The following AHNAK2 variants were observed in gnomAD, a reference collection of about 807,000 sequenced individuals.
AHNAK2 encodes the protein AHNAK nucleoprotein 2.
Under a neutral mutation model 30.7 loss-of-function variants are expected in AHNAK2, and 18 were observed. The observed-to-expected ratio is 0.59, with a 90% CI of 0.41 to 0.87. AHNAK2 has a LOEUF of 0.87. Among genes scored for constraint, AHNAK2 ranks in the 40% least tolerant of loss-of-function variants. AHNAK2 has a pLI of 0.00. For missense variants in AHNAK2, 8,604 were observed against 7,373.0 expected (o/e 1.17, Z -6.11); for synonymous variants, 3,590 against 3,073.8 (o/e 1.17, Z -5.56).
Position 104,943,683 on chromosome 14 carries a change from G to A in AHNAK2, c.11768C>T (p.Thr3923Ile), listed in dbSNP as rs140581320. The change falls in exon 7 of 7, where the codon ACA becomes ATA. Residue 3923 changes from threonine (T) to isoleucine (I), a missense_variant. Physicochemically the swap from Thr to Ile is moderately conservative, Grantham distance 89. Transcript: ENST00000333244. The stretch of plus-strand genomic sequence containing the variant: ...CAGAGAAACCTCCACATCAGGGGCT[G>A]TCACTTCCACCTTGGGGTCTTTTAG... ...LDLKDPKVEV[T>I]APDVEVSLPS... The A allele has an allele frequency of 1.6e-3, 2,565 of 1,613,230 alleles. 29 individuals are homozygous for A. In the African/African-American group the frequency reaches 0.031, roughly 20 times the overall value.
At position 104,954,165 on chromosome 14, in the gene AHNAK2, T is replaced by C. The variant is rs374372707; in HGVS notation, c.1286A>G (p.Gln429Arg). Reference protein sequence around the residue: ...LHGKTLEGQAQETAVAQRKPR... With the variant: ...LHGKTLEGQARETAVAQRKPR... Reference sequence around the variant, plus strand: ...CTTCCTCTGGGCCACTGCTGTCTCCTGTGCCTGCCCCTCCAGGGTCTTTCC... The same window carrying C: ...CTTCCTCTGGGCCACTGCTGTCTCCCGTGCCTGCCCCTCCAGGGTCTTTCC... The change falls in exon 7 of 7, where the codon CAG (glutamine) becomes CGG (arginine). Residue 429 changes from glutamine to arginine, a missense_variant. Gln to Arg is a conservative substitution (Grantham distance 43, BLOSUM62 1). Coordinates refer to ENST00000333244, the MANE Select transcript of AHNAK2 (RefSeq NM_138420.4). This position sits in a 1 kb window ranked among gnomAD's most constrained non-coding sequence, Gnocchi z 4.3. 172 of 1,610,284 alleles carry C rather than the reference T, an allele frequency of 1.1e-4. No homozygotes were observed. Among genetic ancestry groups the C allele is most frequent in the Non-Finnish European group, 1.4e-4 (167 of 1,179,818 alleles).
In AHNAK2 at chr14:104,954,274, T is replaced by C; in HGVS notation, c.1177A>G (p.Met393Val). ...TCACCGAGCTCTGTGGGCAATGGCATGCTCTGAGCAGGCATCACTTCTCGA... is the reference window on the plus strand; with the variant it reads ...TCACCGAGCTCTGTGGGCAATGGCACGCTCTGAGCAGGCATCACTTCTCGA... ...QDREVMPAQS[M>V]PLPTELGDPR... is the part of the protein sequence containing the mutation. Residue 393 changes from methionine to valine, a missense_variant, in exon 7 of 7, where the codon ATG becomes GTG. Transcript: ENST00000333244. The surrounding 1 kb of genome is among the most constrained non-coding windows in gnomAD (Gnocchi z 4.3). 1 of 1,613,390 alleles carries C rather than the reference T, an allele frequency of 6.2e-7. No homozygotes were observed. The highest frequency in any genetic ancestry group is 1.7e-5 in the Admixed American group (1 of 60,024).
chr14:104,945,702 C>A lies in AHNAK2; in HGVS notation c.9749G>T (p.Gly3250Val). 1.2e-6 allele frequency: 2 copies of A among 1,601,186 alleles called. No individual in the cohort carries two copies. The highest frequency in any genetic ancestry group is 1.7e-4 in the Middle Eastern group (1 of 5,958). ...CGGGCCTTTCAGGTCCAGCTTGGGGCCCTTGATGTCTATCTGGGGGCCCTT... is the reference window on the plus strand; with the variant it reads ...CGGGCCTTTCAGGTCCAGCTTGGGGACCTTGATGTCTATCTGGGGGCCCTT... ...DRKGPQIDIK[G>V]PKLDLKGPKM... The change falls in exon 7 of 7, where the codon GGC becomes GTC. Residue 3250 changes from glycine (G) to valine (V), a missense_variant. By Grantham distance (109) the Gly-to-Val change is moderately radical (BLOSUM62 -3). Coordinates refer to ENST00000333244, the MANE Select transcript of AHNAK2 (RefSeq NM_138420.4).
At position 104,938,028 on chromosome 14, in the gene AHNAK2, T is replaced by A. The variant is rs950537122; in HGVS notation, c.*35A>T. ...GTAGCCTTTACTTTCCAACTTAGTT[T>A]TTTGCATCTCTCTTGTACTGATGAG... On this transcript the variant is annotated 3_prime_UTR_variant, in exon 7 of 7. Coordinates refer to ENST00000333244, the MANE Select transcript of AHNAK2 (RefSeq NM_138420.4). 5 of 1,581,348 alleles carry A rather than the reference T, an allele frequency of 3.2e-6. No individual in the cohort carries two copies. In the African/African-American group the frequency reaches 6.8e-5, roughly 22 times the overall value.
intron 5 of AHNAK2, 65 bp downstream of exon 5, chr14:104,955,418 C>A: frequency 6.5e-6 from 10 of 1,539,454 alleles, no homozygotes; most frequent in Middle Eastern, 1.8e-4. Flanking sequence ...CTCAATACCC[C>A]CCTCCAGGTC....
rs1007809260 is a variant in AHNAK2, at chr14:104,966,298, A to C, written c.56-8626T>G. ...TCCATAACCCCCCAGCAGAGCCACA[A>C]CCTCCGTTTCCCCCACCTGCCAAAC... On this transcript the variant is annotated intron_variant, in intron 1 of 6. Transcript: ENST00000333244. This position sits in a 1 kb window ranked among gnomAD's most constrained non-coding sequence, Gnocchi z 4.3. 1.3e-5 allele frequency among the ~76,000 whole-genome samples: 2 copies of C among 151,444 alleles called. No homozygotes were observed. The highest frequency in any genetic ancestry group is 2.9e-5 in the Non-Finnish European group (2 of 67,826).
At position 104,943,134 on chromosome 14, in the gene AHNAK2, G is replaced by A. The variant is rs759575828; in HGVS notation, c.12317C>T (p.Pro4106Leu). 1.1e-5 allele frequency: 18 copies of A among 1,613,190 alleles called. No individual in the cohort carries two copies. Among genetic ancestry groups the A allele is most frequent in the East Asian group, 2.2e-5 (1 of 44,804 alleles). ...CTGCACACCATCCAGCTTTGCTCTC[G>A]GGGCCTGGACGTCCACCTCCATGCT... ...LSSMEVDVQAPRAKLDGVQLE... is the reference protein window; with the variant it reads ...LSSMEVDVQALRAKLDGVQLE... The change falls in exon 7 of 7, where the codon CCG (proline) becomes CTG (leucine). Residue 4106 changes from proline to leucine, a missense_variant. By Grantham distance (98) the Pro-to-Leu change is moderately conservative. Coordinates refer to ENST00000333244, the MANE Select transcript of AHNAK2 (RefSeq NM_138420.4).
rs374219885 is a variant in AHNAK2, at chr14:104,949,649, G to C, written c.5802C>G (p.Asp1934Glu). The C allele has an allele frequency of 1.3e-5, 21 of 1,588,074 alleles. 3 individuals carry two copies. In the Admixed American group the frequency reaches 1.6e-4, roughly 12 times the overall value. The change falls in exon 7 of 7, where the codon GAC (aspartate) becomes GAG (glutamate). Residue 1934 changes from aspartate (D) to glutamate (E), a missense_variant. Physicochemically the swap from Asp to Glu is conservative, Grantham distance 45. Coordinates refer to ENST00000333244, the MANE Select transcript of AHNAK2 (RefSeq NM_138420.4). Reference protein sequence around the residue: ...PQTDVKGAKLDLKGPKAEVTA... With the variant: ...PQTDVKGAKLELKGPKAEVTA... ...TCACTTCCGCCTTGGGGCCTTTCAG[G>C]TCCAGCTTGGCGCCCTTAACATCTG...
rs1898643315 is a variant in AHNAK2 at position 104,950,715 on chromosome 14, A to T, written c.4736T>A (p.Val1579Glu). Reference protein sequence around the residue: ...GAGLKGHLPKVQMPSFKMPKV... With the variant: ...GAGLKGHLPKEQMPSFKMPKV... ...GGGCATCTTGAAACTGGGCATCTGC[A>T]CTTTGGGCAGGTGCCCTTTGAGGCC... Residue 1579 changes from valine (V) to glutamate (E), a missense_variant, in exon 7 of 7, where the codon GTG (valine) becomes GAG (glutamate). Transcript: ENST00000333244. 1.3e-6 allele frequency: 2 copies of T among 1,587,574 alleles called. No homozygotes were observed.
Position 104,943,586 on chromosome 14 carries a change from G to A in AHNAK2, c.11865C>T (p.Ser3955=), listed in dbSNP as rs1898098623. 2 of 1,613,094 alleles carry A rather than the reference G, an allele frequency of 1.2e-6. No homozygotes were observed. Among genetic ancestry groups the A allele is most frequent in the East Asian group, 2.2e-5 (1 of 44,766 alleles). The change falls in exon 7 of 7, where the codon TCC becomes TCT. Residue 3955 remains serine, a synonymous_variant. Coordinates refer to ENST00000333244, the MANE Select transcript of AHNAK2 (RefSeq NM_138420.4). ...TGGCCGTCATGTCCTTGTCGGCCAG[G>A]GACAGGTCCCCCTCCAGCCGCGCAC... ...LDGARLEGDL[S]LADKDMTAKD...
At chr14:104,958,704 T>C (rs913193204) in intron 1 of AHNAK2, among the ~76,000 whole-genome samples, 3 of 152,286 alleles carry the variant, frequency 2.0e-5, no homozygotes, top group Non-Finnish European at 2.9e-5. Flanking sequence ...AGGGGGAAGA[T>C]TGTTTGAAGA....
In AHNAK2 at chr14:104,953,905, T is replaced by A. The variant is rs1282652255; in HGVS notation, c.1546A>T (p.Arg516Ter). ...CCCGCTTTTGAGGACGCATCCTGTC[T>A]CTTCCCTCGCTGTGGGGTACTAAGG... ...RRLSTPQRGKRQDASSKAGTG... is the reference protein window; with the variant it reads ...RRLSTPQRGK Residue 516 changes from arginine (R) to a stop codon, truncating the protein, a stop_gained, in exon 7 of 7, where the codon AGA (arginine) becomes TGA (stop). Coordinates refer to ENST00000333244, the MANE Select transcript of AHNAK2 (RefSeq NM_138420.4). LOFTEE classifies it low-confidence loss of function (END_TRUNC). 6.2e-7 allele frequency: 1 copy of A among 1,613,862 alleles called. No individual in the cohort carries two copies. Among genetic ancestry groups the A allele is most frequent in the African/African-American group, 1.3e-5 (1 of 74,926 alleles).
In AHNAK2 at chr14:104,963,828, T is replaced by TA. The variant is rs1207815621; in HGVS notation, c.56-6157dup. Among the ~76,000 whole-genome samples the TA allele has an allele frequency of 4.0e-3, 434 of 108,224 alleles. 8 individuals are homozygous for TA. The East Asian group carries it at 0.053, about 13-fold the overall frequency. The allele number at this position is 108,224 out of a possible 152,430, so 71.0% of individuals were successfully genotyped here. A position where few individuals can be genotyped will look rare whatever the true frequency, so the allele number is the denominator to read the frequency against. ...CTGGGCCACACAGCGAGACTCCGTC[T>TA]AAAAAAAAAAAAGAAAAAAAAAAGA... On this transcript the variant is annotated intron_variant, in intron 1 of 6. Transcript: ENST00000333244.
chr14:104,950,815 G>C lies in AHNAK2; in HGVS notation c.4636C>G (p.Pro1546Ala), dbSNP rs753857825. The C allele has an allele frequency of 1.9e-6, 3 of 1,585,616 alleles. No homozygotes were observed. Among genetic ancestry groups the C allele is most frequent in the South Asian group, 1.1e-5 (1 of 89,616 alleles). Reference sequence around the variant, plus strand: ...GCCTGGACCTCCAGGTCAGCAGAAGGGGGCTGTATGCTCAGGTCAGTGGCC... The same window carrying C: ...GCCTGGACCTCCAGGTCAGCAGAAGCGGGCTGTATGCTCAGGTCAGTGGCC... ...LKATDLSIQP[P>A]SADLEVQAGQ... Residue 1546 changes from proline (P) to alanine (A), a missense_variant, in exon 7 of 7, where the codon CCT becomes GCT. Pro to Ala is a conservative substitution (Grantham distance 27). Coordinates refer to ENST00000333244, the MANE Select transcript of AHNAK2 (RefSeq NM_138420.4).
At chr14:104,970,242 C>T (rs1423815957) in intron 1 of AHNAK2, among the ~76,000 whole-genome samples, 4 of 152,274 alleles carry the variant, frequency 2.6e-5, no homozygotes, top group South Asian at 2.1e-4. Context: ...GAAGGGGCTC[C>T]GGGGCTTTCT....
chr14:104,943,642 C>A lies in AHNAK2; in HGVS notation c.11809G>T (p.Asp3937Tyr). ...AGCTTGGCTCCTGGGGCCTCGACGTCCACCTCCACGCTGGGCAGAGAAACC... is the reference window on the plus strand; with the variant it reads ...AGCTTGGCTCCTGGGGCCTCGACGTACACCTCCACGCTGGGCAGAGAAACC... ...VEVSLPSVEV[D>Y]VEAPGAKLDG... Residue 3937 changes from aspartate (D) to tyrosine (Y), a missense_variant, in exon 7 of 7, where the codon GAC (aspartate) becomes TAC (tyrosine). Coordinates refer to ENST00000333244, the MANE Select transcript of AHNAK2 (RefSeq NM_138420.4). 6.2e-7 allele frequency: 1 copy of A among 1,613,526 alleles called. No individual in the cohort carries two copies. The highest frequency in any genetic ancestry group is 1.1e-5 in the South Asian group (1 of 91,066).
intron 1 of AHNAK2, among the ~76,000 whole-genome samples, chr14:104,967,888 A>G (rs1392387802): frequency 6.6e-6 from 1 of 152,176 alleles, no homozygotes; most frequent in Non-Finnish European, 1.5e-5. Context: ...ACCGCCTCCC[A>G]GGCCCGAGCT....
At position 104,953,233 on chromosome 14, in the gene AHNAK2, C is replaced by G; in HGVS notation, c.2218G>C (p.Asp740His). ...ADLEVQDGQV[D>H]VKLPEGPLPE... ...AGGGGGCCCTCCGGAAGTTTCACAT[C>G]CACTTGGCCATCCTGGACCTCCAGG... is the stretch of plus-strand genomic sequence containing the variant. The change falls in exon 7 of 7, where the codon GAT becomes CAT. Residue 740 changes from aspartate to histidine, a missense_variant. Transcript: ENST00000333244. 2.5e-6 allele frequency: 4 copies of G among 1,613,068 alleles called. No individual in the cohort carries two copies. Among genetic ancestry groups the G allele is most frequent in the Non-Finnish European group, 3.4e-6 (4 of 1,179,678 alleles).
Position 104,940,293 on chromosome 14 carries a change from G to A in AHNAK2, c.15158C>T (p.Thr5053Ile), listed in dbSNP as rs1415994923. The part of the protein sequence containing the change: ...RDVDPSLSSA[T>I]AGGSFQDTEK... ...TGTGTCTTGAAAGCTACCCCCTGCT[G>A]TGGCACTAGAAAGGGAAGGATCCAC... The change falls in exon 7 of 7, where the codon ACA becomes ATA. Residue 5053 changes from threonine (T) to isoleucine (I), a missense_variant. Transcript: ENST00000333244. This position sits in a 1 kb window ranked among gnomAD's most constrained non-coding sequence, Gnocchi z 4.4. 5 of 1,613,616 alleles carry A rather than the reference G, an allele frequency of 3.1e-6. No individual in the cohort carries two copies. The highest frequency in any genetic ancestry group is 1.1e-5 in the South Asian group (1 of 91,076).
Sources: gnomAD v4.1 joint callset for allele counts (sites outside exome capture counted in the v4.1 genomes callset) on GRCh38, gnomAD v4.1.1 for gene constraint, Gnocchi (gnomAD v3.1) non-coding constraint, MANE v1.5 for transcripts, NCBI Gene and HGNC (gene_info 2026-07-23, HGNC 2026-07-21) for gene names.